The following FAT3 variants were observed in gnomAD, a reference collection of about 807,000 sequenced individuals.
FAT3 encodes the protein FAT atypical cadherin 3.
FAT3 carries 95 observed loss-of-function variants against 310.2 expected under a neutral mutation model. That is an observed-to-expected ratio of 0.31 (90% CI 0.26 to 0.36). The LOEUF (loss-of-function observed/expected upper bound fraction) is 0.36. FAT3 is among the 10% of genes least tolerant of loss of function. The pLI is 1.00. For missense variants in FAT3, 5,408 were observed against 5,715.6 expected (o/e 0.95, Z 1.74); for synonymous variants, 2,314 against 2,192.9 (o/e 1.06, Z -1.54).
At chr11:92,776,731 T>C (rs1946608161) in intron 7 of FAT3, among the ~76,000 whole-genome samples, 1 of 152,200 alleles carries the variant, frequency 6.6e-6, no homozygotes, top group East Asian at 1.9e-4. Context: ...TAATGAAGGG[T>C]GCCAAGAGAT....
intron 2 of FAT3, among the ~76,000 whole-genome samples, chr11:92,509,533 G>A (rs574208490): frequency 1.9e-4 from 29 of 152,168 alleles, no homozygotes; most frequent in Non-Finnish European, 3.2e-4. Flanking sequence ...AGCACCTCAT[G>A]TGTGTGTGCT....
intron 2 of FAT3, among the ~76,000 whole-genome samples, chr11:92,371,925 G>A (rs900398073): frequency 6.6e-6 from 1 of 152,188 alleles, no homozygotes; most frequent in Admixed American, 6.5e-5. Flanking sequence ...TGAGGAAAAA[G>A]AAGTCATATG....
At chr11:92,521,173 G>T (rs371002832) in intron 2 of FAT3, among the ~76,000 whole-genome samples, 1 of 152,134 alleles carries the variant, frequency 6.6e-6, no homozygotes, top group South Asian at 2.1e-4. Context: ...ACACACATAC[G>T]TGGAAATGTA....
chr11:92,254,475 A>G (rs1865239141), intron 1 of FAT3, among the ~76,000 whole-genome samples: 1 of 152,210 alleles, frequency 6.6e-6, no homozygotes, highest in Admixed American at 6.6e-5. Flanking sequence ...GGCTGGAAAT[A>G]TTAACCCTCT....
chr11:92,423,317 A>G (rs1950568384), intron 2 of FAT3, among the ~76,000 whole-genome samples: 1 of 152,192 alleles, frequency 6.6e-6, no homozygotes, highest in South Asian at 2.1e-4. Context: ...AATAAAATAT[A>G]AAACAGCTCA....
Position 92,798,190 on chromosome 11 carries a change from A to G in FAT3, c.5177A>G (p.Gln1726Arg), listed in dbSNP as rs7949157. The change falls in exon 10 of 28, where the codon CAG (glutamine) becomes CGG (arginine). Residue 1726 changes from glutamine (Q) to arginine (R), a missense_variant. Physicochemically the swap from Gln to Arg is conservative, Grantham distance 43 (BLOSUM62 1). Coordinates refer to ENST00000525166, the MANE Select transcript of FAT3 (RefSeq NM_001367949.2). ...CCATATTCTGGAGTCATCACCACTC[A>G]GAAGGCCCTGGATTATGAGCGCACA... ...INPYSGVITTQKALDYERTSS... is the reference protein window; with the variant it reads ...INPYSGVITTRKALDYERTSS... 0.84 allele frequency: 1,347,747 copies of G among 1,613,738 alleles called. 564,444 individuals carry two copies. The highest frequency in any genetic ancestry group is 0.85 in the Admixed American group (50,910 of 60,008).
At chr11:92,797,686 C>T in intron 9 of FAT3, 150 bp from the exon 10 acceptor site, 1 of 675,354 alleles carries the variant, frequency 1.5e-6, no homozygotes, top group Non-Finnish European at 2.5e-6. Flanking sequence ...AAAGAGAAGC[C>T]TCTCATTTTA....
rs141359584 is a variant in FAT3, at chr11:92,614,538, C to T, written c.3608-82846C>T. ...TTTCATGTGCTATTCACATCCTTTG[C>T]CCACTTTTTGATTAGGTTGTTTGTC... On this transcript the variant is annotated intron_variant, in intron 3 of 27. Coordinates refer to ENST00000525166, the MANE Select transcript of FAT3 (RefSeq NM_001367949.2). Among the ~76,000 whole-genome samples, 7 of 152,208 alleles carry T rather than the reference C, an allele frequency of 4.6e-5. No individual in the cohort carries two copies. The East Asian group carries it at 1.4e-3, about 29-fold the overall frequency.
chr11:92,811,565 C>G (rs564823295), intron 13 of FAT3, among the ~76,000 whole-genome samples: 1 of 152,056 alleles, frequency 6.6e-6, no homozygotes, highest in Non-Finnish European at 1.5e-5. Flanking sequence ...CCTCCTTTCA[C>G]TTATTTTGAG....
intron 2 of FAT3, among the ~76,000 whole-genome samples, chr11:92,506,052 G>C (rs1004517090): frequency 1.3e-5 from 2 of 152,130 alleles, no homozygotes; most frequent in Admixed American, 6.6e-5. Flanking sequence ...TACAGAGCAT[G>C]CCTAAGATTT....
intron 2 of FAT3, among the ~76,000 whole-genome samples, chr11:92,424,910 C>G (rs1207589030): frequency 6.6e-6 from 1 of 151,924 alleles, no homozygotes. Flanking sequence ...ATTTCCTTCC[C>G]CTCTCCTTTC....
chr11:92,320,399 A>G (rs1284245878), intron 1 of FAT3, among the ~76,000 whole-genome samples: 3 of 151,148 alleles, frequency 2.0e-5, no homozygotes, highest in East Asian at 1.9e-4. Context: ...CAGTTTGGAA[A>G]TGCTGGCCCA....
chr11:92,844,449 A>G lies in FAT3; in HGVS notation c.11082A>G (p.Ala3694=). The change falls in exon 19 of 28, where the codon GCA becomes GCG. Residue 3694 remains alanine (A), a synonymous_variant. Transcript: ENST00000525166. ...GCATCATCAGCATCCAGCCCGTGGCAGGCACCAACCAACTGGACATGCTGT... is the reference window on the plus strand; with the variant it reads ...GCATCATCAGCATCCAGCCCGTGGCGGGCACCAACCAACTGGACATGCTGT... ...SLRIISIQPV[A]GTNQLDMLFA... The G allele has an allele frequency of 6.2e-7, 1 of 1,613,982 alleles. No individual in the cohort carries two copies. Among genetic ancestry groups the G allele is most frequent in the South Asian group, 1.1e-5 (1 of 91,068 alleles).
At chr11:92,263,813 C>G (rs1367206429) in intron 1 of FAT3, among the ~76,000 whole-genome samples, 1 of 151,772 alleles carries the variant, frequency 6.6e-6, no homozygotes, top group Admixed American at 6.6e-5. Context: ...CTTTTTTCAT[C>G]TTGATGTCTT....
At chr11:92,323,289 C>T (rs1947675146) in intron 1 of FAT3, among the ~76,000 whole-genome samples, 1 of 152,012 alleles carries the variant, frequency 6.6e-6, no homozygotes, top group Non-Finnish European at 1.5e-5. Flanking sequence ...TGCTCTGTCA[C>T]CCAGTTTGGA....
intron 2 of FAT3, among the ~76,000 whole-genome samples, chr11:92,397,576 T>C (rs1369694728): frequency 1.3e-5 from 2 of 152,176 alleles, no homozygotes; most frequent in African/African-American, 4.8e-5. Flanking sequence ...CCAGACCAGC[T>C]ATTTTTGTTT....
At chr11:92,366,261 C>G (rs1172845591) in intron 2 of FAT3, among the ~76,000 whole-genome samples, 1 of 152,188 alleles carries the variant, frequency 6.6e-6, no homozygotes, top group East Asian at 1.9e-4. Context: ...AGCTTTTTCT[C>G]AGCTTGGACT....
chr11:92,780,825 T>G (rs1216274231), intron 7 of FAT3, among the ~76,000 whole-genome samples: 1 of 152,084 alleles, frequency 6.6e-6, no homozygotes, highest in Non-Finnish European at 1.5e-5. Flanking sequence ...TAGCTCTAAC[T>G]TCAACCCACT....
intron 2 of FAT3, among the ~76,000 whole-genome samples, chr11:92,416,923 A>ATG (rs1386264346): frequency 6.6e-6 from 1 of 152,158 alleles, no homozygotes. Flanking sequence ...ACCAGGACAG[A>ATG]TGTGGGAAGT....
Sources: allele counts gnomAD v4.1 joint callset (sites outside exome capture counted in the v4.1 genomes callset), GRCh38; gene constraint gnomAD v4.1.1; transcripts MANE v1.5; gene names NCBI Gene and HGNC (gene_info 2026-07-23, HGNC 2026-07-21).